ZNF277: variants seen among roughly 807,000 people sequenced by gnomAD.
The protein encoded by ZNF277 is zinc finger protein 277.
A neutral mutation model predicts 60.7 loss-of-function variants in ZNF277; 55 were observed. The observed-to-expected ratio is 0.91, with a 90% CI of 0.73 to 1.13. ZNF277 has a LOEUF of 1.13. Among genes scored for constraint, ZNF277 ranks in the 50% most tolerant of loss-of-function variants. The pLI is 0.00. For synonymous variants in ZNF277, 178 were observed against 179.3 expected, an observed-to-expected ratio of 0.99 and a Z score of 0.06; for missense variants, 510 against 523.0, an observed-to-expected ratio of 0.98 and a Z score of 0.24.
At chr7:112,247,528 T>C (rs1791111959) in intron 1 of ZNF277, among the ~76,000 whole-genome samples, 1 of 152,096 alleles carries the variant, frequency 6.6e-6, no homozygotes, top group Non-Finnish European at 1.5e-5. Flanking sequence ...ATAATATTGG[T>C]GTGAGGCAAA....
At chr7:112,218,476 G>A (rs1821944105) in intron 1 of ZNF277, among the ~76,000 whole-genome samples, 1 of 152,028 alleles carries the variant, frequency 6.6e-6, no homozygotes, top group African/African-American at 2.4e-5. Flanking sequence ...TTTTTTTGTG[G>A]TGAGAACATT....
At chr7:112,264,455 A>G (rs1791501285) in intron 1 of ZNF277, among the ~76,000 whole-genome samples, 1 of 152,168 alleles carries the variant, frequency 6.6e-6, no homozygotes. Flanking sequence ...TATGGTAACA[A>G]GAAATGTATG....
At chr7:112,306,511 A>T (rs1396630055) in intron 4 of ZNF277, among the ~76,000 whole-genome samples, 1 of 151,960 alleles carries the variant, frequency 6.6e-6, no homozygotes, top group Non-Finnish European at 1.5e-5. Context: ...CACCGCCCCC[A>T]GCTGATGTTC....
chr7:112,340,904 A>G lies in ZNF277; in HGVS notation c.1042A>G (p.Asn348Asp). Residue 348 changes from asparagine (N) to aspartate (D), a missense_variant, in exon 11 of 12, where the codon AAT becomes GAT. Physicochemically the swap from Asn to Asp is conservative, Grantham distance 23. Coordinates refer to ENST00000361822, the MANE Select transcript of ZNF277 (RefSeq NM_021994.3). ...TTTCTATCAGCAAGTGAAACTGGTC[A>G]ATTTTATTCGGAGGCAAGTTCACCA... ...LNFYQQVKLV[N>D]FIRRQVHQCR... 1 of 1,611,260 alleles carries G rather than the reference A, an allele frequency of 6.2e-7. No homozygotes were observed. Among genetic ancestry groups the G allele is most frequent in the Non-Finnish European group, 8.5e-7 (1 of 1,179,146 alleles).
At position 112,296,912 on chromosome 7, in the gene ZNF277, ATT is replaced by A. The variant is rs1170078999; in HGVS notation, c.465+633_465+634del. On this transcript the variant is annotated intron_variant, in intron 4 of 11. Coordinates refer to ENST00000361822, the MANE Select transcript of ZNF277 (RefSeq NM_021994.3). Reference sequence around the variant, plus strand: ...ATTTTATTTATTTATTTATTTATTTATTTTTTTTTTTTTTTTTTTTTTTTTTT... The same window carrying A: ...ATTTTATTTATTTATTTATTTATTTATTTTTTTTTTTTTTTTTTTTTTTTT... 4.2e-3 allele frequency among the ~76,000 whole-genome samples: 168 copies of A among 39,586 alleles called. 1 individual carries two copies. The highest frequency in any genetic ancestry group is 0.035 in the South Asian group (37 of 1,050). The allele number at this position is 39,586 out of a possible 152,430, so 26.0% of individuals were successfully genotyped here. A position where few individuals can be genotyped will look rare whatever the true frequency, so the allele number is the denominator to read the frequency against.
At chr7:112,321,528 C>A (rs958580165) in intron 5 of ZNF277, among the ~76,000 whole-genome samples, 3 of 152,036 alleles carry the variant, frequency 2.0e-5, no homozygotes, top group Non-Finnish European at 4.4e-5. Context: ...TACTGTATTT[C>A]ATATTTACTT....
intron 1 of ZNF277, among the ~76,000 whole-genome samples, chr7:112,260,304 G>A (rs138591597): frequency 0.015 from 2,231 of 152,142 alleles, 15 homozygotes; most frequent in South Asian, 0.026. Context: ...ATTAAAAGGA[G>A]GAAGAAGACA....
chr7:112,214,255 A>C (rs555102282), intron 1 of ZNF277, among the ~76,000 whole-genome samples: 1 of 152,242 alleles, frequency 6.6e-6, no homozygotes, highest in Non-Finnish European at 1.5e-5. Flanking sequence ...TCTAAATATA[A>C]ATCACGAGTA....
intron 1 of ZNF277, among the ~76,000 whole-genome samples, chr7:112,280,539 A>G (rs1267643101): frequency 6.6e-6 from 1 of 152,222 alleles, no homozygotes; most frequent in Non-Finnish European, 1.5e-5. Context: ...CTCTTTGCTA[A>G]AAGGAGAAAG....
rs550674772 is a variant in ZNF277 at position 112,241,297 on chromosome 7, A to G, written c.91+34490A>G. 2.6e-5 allele frequency among the ~76,000 whole-genome samples: 4 copies of G among 152,322 alleles called. No homozygotes were observed. In the South Asian group the frequency reaches 6.2e-4, roughly 24 times the overall value. ...CTGATCATCAGAGAAGTGCAAATCA[A>G]AACTACAATAAGATATTATCTCACC... On this transcript the variant is annotated intron_variant, in intron 1 of 11. Transcript: ENST00000361822.
At position 112,286,933 on chromosome 7, in the gene ZNF277, C is replaced by G. The variant is rs769665209; in HGVS notation, c.152C>G (p.Thr51Ser). The G allele has an allele frequency of 5.0e-6, 8 of 1,608,462 alleles. No homozygotes were observed. The highest frequency in any genetic ancestry group is 6.8e-6 in the Non-Finnish European group (8 of 1,178,296). Reference protein sequence around the residue: ...SLPESPGGTTTLEGSPSVPCI... With the variant: ...SLPESPGGTTSLEGSPSVPCI... ...CCAGAAAGTCCAGGTGGCACCACCA[C>G]TTTAGAAGGTTCTCCATCTGTGCCT... is the stretch of plus-strand genomic sequence containing the variant. Residue 51 changes from threonine to serine, a missense_variant, in exon 2 of 12, where the codon ACT becomes AGT. Coordinates refer to ENST00000361822, the MANE Select transcript of ZNF277 (RefSeq NM_021994.3).
intron 1 of ZNF277, among the ~76,000 whole-genome samples, chr7:112,281,153 A>G (rs924664220): frequency 1.3e-5 from 2 of 152,236 alleles, no homozygotes; most frequent in African/African-American, 4.8e-5. Context: ...CTGTTATATG[A>G]TCAGGATATT....
At chr7:112,328,583 A>G (rs976329931) in intron 6 of ZNF277, among the ~76,000 whole-genome samples, 68 of 152,144 alleles carry the variant, frequency 4.5e-4, no homozygotes, top group Non-Finnish European at 4.4e-5. Flanking sequence ...TAGAAAAAAA[A>G]ATAAGGGCCG....
At chr7:112,234,930 G>A (rs115637844) in intron 1 of ZNF277, among the ~76,000 whole-genome samples, 1,748 of 151,600 alleles carry the variant, frequency 0.012, 32 homozygotes, top group African/African-American at 0.039. Context: ...CTATTAAGTT[G>A]TAAACATTGA....
chr7:112,323,367 T>G (rs1793028375), intron 5 of ZNF277, among the ~76,000 whole-genome samples: 1 of 152,234 alleles, frequency 6.6e-6, no homozygotes, highest in Non-Finnish European at 1.5e-5. Context: ...TCACTGATTG[T>G]TTCTGGCAAA....
At chr7:112,224,356 A>G (rs1481315587) in intron 1 of ZNF277, among the ~76,000 whole-genome samples, 3 of 152,284 alleles carry the variant, frequency 2.0e-5, no homozygotes, top group Non-Finnish European at 4.4e-5. Flanking sequence ...GTGTTGGACC[A>G]CATTCAAGGC....
chr7:112,330,548 C>CTTTTTTTTTTTTTTTTTTTTTTTTT (rs1171213748), intron 7 of ZNF277: 14 of 108,054 alleles, frequency 1.3e-4, no homozygotes, highest in Non-Finnish European at 1.4e-4. Flanking sequence ...AGACTCCTTT[C>CTTTTTTTTTTTTTTTTTTTTTTTTT]TTTTTTTTTT....
chr7:112,339,988 C>A, intron 10 of ZNF277, 103 bp downstream of exon 10: 1 of 1,000,188 alleles, frequency 1.0e-6, no homozygotes, highest in Non-Finnish European at 1.5e-6. Context: ...AGTGCACCAC[C>A]AAAACATGTC....
At chr7:112,272,094 A>T (rs1054168873) in intron 1 of ZNF277, among the ~76,000 whole-genome samples, 3 of 152,200 alleles carry the variant, frequency 2.0e-5, no homozygotes, top group Middle Eastern at 3.4e-3. Context: ...ACCCCCTACT[A>T]GCCAGCCTCT....
Sources: allele counts gnomAD v4.1 joint callset (sites outside exome capture counted in the v4.1 genomes callset), GRCh38; gene constraint gnomAD v4.1.1; transcripts MANE v1.5; gene names NCBI Gene and HGNC (gene_info 2026-07-23, HGNC 2026-07-21).